Variants in PAK5 observed in about 807,000 individuals in gnomAD.
PAK5 encodes p21 (RAC1) activated kinase 5.
Under a neutral mutation model 65.9 loss-of-function variants are expected in PAK5, and 16 were observed. That is an observed-to-expected ratio of 0.24 (90% CI 0.16 to 0.37). The LOEUF is 0.37. Ranked by LOEUF, PAK5 falls within the 10% of genes least tolerant of loss-of-function variation. The pLI, the probability that PAK5 is intolerant of heterozygous loss-of-function variation, is 1.00. For missense variants in PAK5, 785 were observed against 903.9 expected (o/e 0.87, Z 1.69); for synonymous variants, 371 against 354.9 (o/e 1.05, Z -0.51).
intron 4 of PAK5, among the ~76,000 whole-genome samples, chr20:9,573,652 A>AC (rs2045832334): frequency 6.6e-6 from 1 of 152,196 alleles, no homozygotes; most frequent in African/African-American, 2.4e-5. Context: ...GGGTGAGAGA[A>AC]AGAAGAGAAG....
intron 1 of PAK5, among the ~76,000 whole-genome samples, chr20:9,823,800 C>A (rs1028500353): frequency 6.8e-6 from 1 of 146,242 alleles, no homozygotes; most frequent in African/African-American, 2.5e-5. Flanking sequence ...CGAATCCTTG[C>A]CTCAAGGTCT....
At chr20:9,657,470 TA>T (rs1257326630) in intron 2 of PAK5, among the ~76,000 whole-genome samples, 1 of 152,226 alleles carries the variant, frequency 6.6e-6, no homozygotes, top group Non-Finnish European at 1.5e-5. Flanking sequence ...CTGTACAGGT[TA>T]TTTTTTTGAT....
In PAK5 at chr20:9,689,056, G is replaced by T. The variant is rs1293122437; in HGVS notation, c.-12+22230C>A. ...CAATAACAACTTCGTTTATATAAGA[G>T]AAGTGATATTTCAAATTGTTCCCAA... On this transcript the variant is annotated intron_variant, in intron 2 of 9. Transcript: ENST00000353224. Among the ~76,000 whole-genome samples the T allele has an allele frequency of 2.0e-5, 3 of 152,146 alleles. No homozygotes were observed. The East Asian group carries it at 5.8e-4, about 29-fold the overall frequency.
Position 9,802,465 on chromosome 20 carries a change from G to A in PAK5, c.-162+36297C>T, listed in dbSNP as rs77017366. Among the ~76,000 whole-genome samples, 649 of 152,198 alleles carry A rather than the reference G, an allele frequency of 4.3e-3. 4 individuals carry two copies. Among genetic ancestry groups the A allele is most frequent in the African/African-American group, 0.015 (627 of 41,544 alleles). ...ACATCTGCTTTCCTATGCATTGAAA[G>A]CATCTTAAAGGGAACCCCAGAAATA... On this transcript the variant is annotated intron_variant, in intron 1 of 9. Coordinates refer to ENST00000353224, the MANE Select transcript of PAK5 (RefSeq NM_177990.4).
In PAK5 at chr20:9,640,428, A is replaced by G. The variant is rs185084163; in HGVS notation, c.204+3697T>C. Among the ~76,000 whole-genome samples, 1,177 of 152,144 alleles carry G rather than the reference A, an allele frequency of 7.7e-3. 15 individuals are homozygous for G. Among genetic ancestry groups the G allele is most frequent in the African/African-American group, 0.026 (1,095 of 41,478 alleles). ...ATGGCTGCATAGTATTCCATGGTAT[A>G]TATGTGCAACATTTTCTTGATCCAG... On this transcript the variant is annotated intron_variant, in intron 3 of 9. Transcript: ENST00000353224.
In PAK5 at chr20:9,544,357, T is replaced by C. The variant is rs113500009; in HGVS notation, c.1869+12A>G. On this transcript the variant is annotated intron_variant, in intron 8 of 9. Transcript: ENST00000353224. ...CCCAGTCCTGCCACGCCTATGACTG[T>C]GACCCCCTTACCTCTGTCCCATAAG... 3 of 1,613,182 alleles carry C rather than the reference T, an allele frequency of 1.9e-6. No individual in the cohort carries two copies. The highest frequency in any genetic ancestry group is 1.3e-5 in the African/African-American group (1 of 75,012).
At position 9,746,438 on chromosome 20, in the gene PAK5, A is replaced by G. The variant is rs554492486; in HGVS notation, c.-161-35003T>C. On this transcript the variant is annotated intron_variant, in intron 1 of 9. Transcript: ENST00000353224. ...TCTTCAAATTGACATATGGCTTACTACAATATATACAACATACTACAGTAA... is the reference window on the plus strand; with the variant it reads ...TCTTCAAATTGACATATGGCTTACTGCAATATATACAACATACTACAGTAA... 5.9e-5 allele frequency among the ~76,000 whole-genome samples: 9 copies of G among 152,232 alleles called. No individual in the cohort carries two copies. In the South Asian group the frequency reaches 1.7e-3, roughly 28 times the overall value.
At chr20:9,630,798 T>G (rs1161299078) in intron 3 of PAK5, among the ~76,000 whole-genome samples, 3 of 152,230 alleles carry the variant, frequency 2.0e-5, no homozygotes, top group African/African-American at 7.2e-5. Flanking sequence ...TTTGCCTGGC[T>G]GGATTTCAGA....
At chr20:9,819,391 G>T (rs563436513) in intron 1 of PAK5, among the ~76,000 whole-genome samples, 1 of 151,958 alleles carries the variant, frequency 6.6e-6, no homozygotes, top group African/African-American at 2.4e-5. Flanking sequence ...TGGTGTCTTT[G>T]GTAACTTATA....
At chr20:9,633,550 G>A (rs1047695681) in intron 3 of PAK5, among the ~76,000 whole-genome samples, 10 of 152,154 alleles carry the variant, frequency 6.6e-5, no homozygotes, top group Admixed American at 1.3e-4. Flanking sequence ...AACACCATCC[G>A]ATATTTGGTA....
intron 1 of PAK5, among the ~76,000 whole-genome samples, chr20:9,774,935 G>T (rs1046387765): frequency 6.6e-6 from 1 of 152,118 alleles, no homozygotes; most frequent in Non-Finnish European, 1.5e-5. Context: ...CAGCCTGGGC[G>T]GCAGAGCGAG....
intron 7 of PAK5, among the ~76,000 whole-genome samples, chr20:9,550,223 T>C (rs1053069154): frequency 4.6e-5 from 7 of 152,104 alleles, no homozygotes; most frequent in Non-Finnish European, 1.0e-4. Flanking sequence ...AGCCTGTGAT[T>C]GGGACAAGGA....
intron 2 of PAK5, among the ~76,000 whole-genome samples, chr20:9,651,563 C>A (rs751526056): frequency 6.6e-6 from 1 of 152,008 alleles, no homozygotes; most frequent in Non-Finnish European, 1.5e-5. Context: ...GATGGTCACA[C>A]GAAAGTGTGA....
chr20:9,751,618 C>T (rs538918020), intron 1 of PAK5, among the ~76,000 whole-genome samples: 5 of 152,222 alleles, frequency 3.3e-5, no homozygotes, highest in South Asian at 2.1e-4. Flanking sequence ...TGTTTGCTTA[C>T]GTTGTATCAA....
intron 2 of PAK5, among the ~76,000 whole-genome samples, chr20:9,693,991 T>G: frequency 7.5e-6 from 1 of 133,962 alleles, no homozygotes; most frequent in Non-Finnish European, 1.5e-5. Flanking sequence ...ATCAAGGTCC[T>G]TTTTTTTTTA....
At chr20:9,754,947 A>G (rs1243326869) in intron 1 of PAK5, among the ~76,000 whole-genome samples, 2 of 152,224 alleles carry the variant, frequency 1.3e-5, no homozygotes, top group Non-Finnish European at 2.9e-5. Flanking sequence ...AAAAGTTTCA[A>G]GAGGCAATAT....
intron 1 of PAK5, among the ~76,000 whole-genome samples, chr20:9,746,546 A>G (rs1003114630): frequency 6.6e-6 from 1 of 152,192 alleles, no homozygotes; most frequent in Non-Finnish European, 1.5e-5. Flanking sequence ...CCAAGATCTA[A>G]AGCCGTGCCA....
rs183350788 is a variant in PAK5 at position 9,595,164 on chromosome 20, C to T, written c.205-14234G>A. Among the ~76,000 whole-genome samples, 55 of 151,442 alleles carry T rather than the reference C, an allele frequency of 3.6e-4. 2 individuals carry two copies. In the East Asian group the frequency reaches 0.011, roughly 29 times the overall value. On this transcript the variant is annotated intron_variant, in intron 3 of 9. Coordinates refer to ENST00000353224, the MANE Select transcript of PAK5 (RefSeq NM_177990.4). ...ATAGTATCAAATAAAAAAAATCTAG[C>T]CCCTAAACTTCAGATTAATAGGGTC...
At chr20:9,792,072 C>A (rs1179928649) in intron 1 of PAK5, among the ~76,000 whole-genome samples, 1 of 152,164 alleles carries the variant, frequency 6.6e-6, no homozygotes, top group Non-Finnish European at 1.5e-5. Context: ...ACTGTAAGCA[C>A]CTTGAGGGGT....
Sources: allele counts gnomAD v4.1 joint callset (sites outside exome capture counted in the v4.1 genomes callset), GRCh38; gene constraint gnomAD v4.1.1; transcripts MANE v1.5; gene names NCBI Gene and HGNC (gene_info 2026-07-23, HGNC 2026-07-21).